ADGRV1: variants seen among roughly 807,000 people sequenced by gnomAD.
ADGRV1 encodes G-protein coupled receptor 98.
Under a neutral mutation model 596.2 loss-of-function variants are expected in ADGRV1, and 359 were observed. The observed-to-expected ratio is 0.60, with a 90% CI of 0.55 to 0.66. The LOEUF is 0.66. Ranked by LOEUF, ADGRV1 falls within the 30% of genes least tolerant of loss-of-function variation. The pLI is 0.00. For missense variants in ADGRV1, 7,274 were observed against 7,575.6 expected (o/e 0.96, Z 1.48); for synonymous variants, 2,681 against 2,679.2 (o/e 1.00, Z -0.02).
intron 29 of ADGRV1, among the ~76,000 whole-genome samples, chr5:90,687,177 T>C (rs1745781366): frequency 6.6e-6 from 1 of 152,230 alleles, no homozygotes; most frequent in Non-Finnish European, 1.5e-5. Context: ...TTCACTGTGA[T>C]GGTACTTACT....
At chr5:90,839,187 T>C (rs1028947484) in intron 77 of ADGRV1, among the ~76,000 whole-genome samples, 1 of 152,112 alleles carries the variant, frequency 6.6e-6, no homozygotes, top group African/African-American at 2.4e-5. Flanking sequence ...GACTCCTATC[T>C]ACCTCTCTGT....
At chr5:90,973,098 C>G (rs905591675) in intron 84 of ADGRV1, among the ~76,000 whole-genome samples, 1 of 152,156 alleles carries the variant, frequency 6.6e-6, no homozygotes, top group Non-Finnish European at 1.5e-5. Flanking sequence ...ACTAGAAAAT[C>G]TGGAAGAAAT....
chr5:90,978,295 AAAATAAAT>A (rs10529732), intron 84 of ADGRV1, among the ~76,000 whole-genome samples: 113 of 148,582 alleles, frequency 7.6e-4, no homozygotes, highest in Non-Finnish European at 9.6e-4. Flanking sequence ...ACTTCATCTC[AAAATAAAT>A]AAATAAATAA....
chr5:90,695,261 G>T (rs1031523748), intron 33 of ADGRV1, among the ~76,000 whole-genome samples: 16 of 152,130 alleles, frequency 1.1e-4, no homozygotes, highest in Admixed American at 7.2e-4. Context: ...GATCACTATT[G>T]TAAAATTTCA....
chr5:90,778,464 A>G lies in ADGRV1; in HGVS notation c.12704A>G (p.Tyr4235Cys), dbSNP rs200644004. The change falls in exon 63 of 90, where the codon TAT becomes TGT. Residue 4235 changes from tyrosine (Y) to cysteine (C), a missense_variant. Physicochemically the swap from Tyr to Cys is radical, Grantham distance 194 (BLOSUM62 -2). Transcript: ENST00000405460. ...NDDIPEEKSF[Y>C]EFQLTAVSEG... ...GACATTCCCGAGGAAAAAAGCTTCT[A>G]TGAGTTTCAGCTCACTGCAGTCAGT... 412 of 1,613,000 alleles carry G rather than the reference A, an allele frequency of 2.6e-4. No individual in the cohort carries two copies. The highest frequency in any genetic ancestry group is 6.9e-4 in the East Asian group (31 of 44,816).
At chr5:90,677,731 T>G (rs1580704298) in intron 25 of ADGRV1, among the ~76,000 whole-genome samples, 1 of 152,166 alleles carries the variant, frequency 6.6e-6, no homozygotes, top group Admixed American at 6.5e-5. Context: ...TAATTGGACT[T>G]GAATACTCAC....
chr5:90,621,137 G>T (rs1241233850), intron 4 of ADGRV1, among the ~76,000 whole-genome samples: 1 of 152,016 alleles, frequency 6.6e-6, no homozygotes, highest in Non-Finnish European at 1.5e-5. Context: ...ACTGAATCTG[G>T]TCGCTAAATT....
At position 91,144,382 on chromosome 5, in the gene ADGRV1, T is replaced by C. The variant is rs1055633015; in HGVS notation, c.18433-5648T>C. On this transcript the variant is annotated intron_variant, in intron 87 of 89. Coordinates refer to ENST00000405460, the MANE Select transcript of ADGRV1 (RefSeq NM_032119.4). ...GTGCAGTGATGCAAACATGGCTCAC[T>C]GCAGCCTCAACCTCTTGGGCTCAAG... 6.8e-4 allele frequency among the ~76,000 whole-genome samples: 104 copies of C among 152,216 alleles called. 1 individual carries two copies. The highest frequency in any genetic ancestry group is 6.7e-3 in the Admixed American group (103 of 15,290).
At chr5:91,114,090 G>T (rs537431793) in intron 87 of ADGRV1, among the ~76,000 whole-genome samples, 1 of 151,992 alleles carries the variant, frequency 6.6e-6, no homozygotes, top group South Asian at 2.1e-4. Flanking sequence ...ATGGTGGCAG[G>T]AGGCTGTAAT....
At chr5:90,624,290 C>A (rs1262771677) in intron 5 of ADGRV1, among the ~76,000 whole-genome samples, 1 of 152,144 alleles carries the variant, frequency 6.6e-6, no homozygotes, top group Admixed American at 6.5e-5. Context: ...TGCATTTAGA[C>A]AATAAATTTT....
At chr5:90,856,640 A>G (rs1169978161) in intron 82 of ADGRV1, among the ~76,000 whole-genome samples, 2 of 152,156 alleles carry the variant, frequency 1.3e-5, no homozygotes, top group African/African-American at 4.8e-5. Flanking sequence ...GGTGCTATAC[A>G]GTGAATTAAA....
At chr5:90,620,287 G>A (rs1045554197) in intron 4 of ADGRV1, among the ~76,000 whole-genome samples, 2 of 151,984 alleles carry the variant, frequency 1.3e-5, no homozygotes, top group African/African-American at 4.8e-5. Context: ...TTTAATGATT[G>A]CCATTCTAAC....
At chr5:90,993,152 C>CA (rs1781108299) in intron 85 of ADGRV1, among the ~76,000 whole-genome samples, 2 of 128,650 alleles carry the variant, frequency 1.6e-5, no homozygotes, top group African/African-American at 5.8e-5. Flanking sequence ...CCTTGGTTTT[C>CA]ACTTTTTTTT....
In ADGRV1 at chr5:90,617,870, A is replaced by T; in HGVS notation, c.274A>T (p.Thr92Ser). The T allele has an allele frequency of 6.3e-7, 1 of 1,599,162 alleles. No individual in the cohort carries two copies. The highest frequency in any genetic ancestry group is 8.5e-7 in the Non-Finnish European group (1 of 1,171,872). The change falls in exon 3 of 90, where the codon ACA becomes TCA. Residue 92 changes from threonine to serine, a missense_variant. By Grantham distance (58) the Thr-to-Ser change is moderately conservative. Coordinates refer to ENST00000405460, the MANE Select transcript of ADGRV1 (RefSeq NM_032119.4). ...TGCAGCTTTTATACCTGCCGGAGAA[A>T]CAAACAGAACAGTGTACATAGCAGT... ...YAAAFIPAGETNRTVYIAVCD... is the reference protein window; with the variant it reads ...YAAAFIPAGESNRTVYIAVCD...
At chr5:91,086,507 A>G (rs1009752817) in intron 86 of ADGRV1, among the ~76,000 whole-genome samples, 4 of 152,272 alleles carry the variant, frequency 2.6e-5, no homozygotes, top group African/African-American at 7.2e-5. Flanking sequence ...GTGGCTGTCA[A>G]ACTAACTGAT....
At chr5:90,762,116 C>G (rs1756574914) in intron 58 of ADGRV1, among the ~76,000 whole-genome samples, 1 of 152,092 alleles carries the variant, frequency 6.6e-6, no homozygotes, top group Non-Finnish European at 1.5e-5. Flanking sequence ...TAGCAGAGAC[C>G]CATGGAAATC....
chr5:90,827,781 T>G (rs1342720589), intron 76 of ADGRV1, among the ~76,000 whole-genome samples: 4 of 152,204 alleles, frequency 2.6e-5, no homozygotes, highest in African/African-American at 9.6e-5. Flanking sequence ...TAAGTATTTC[T>G]TCAGAAAACA....
intron 53 of ADGRV1, among the ~76,000 whole-genome samples, chr5:90,752,020 T>C (rs1424783606): frequency 1.3e-5 from 2 of 152,210 alleles, no homozygotes; most frequent in African/African-American, 4.8e-5. Flanking sequence ...ATTATTTCAT[T>C]CAGGGAGCTA....
intron 61 of ADGRV1, among the ~76,000 whole-genome samples, chr5:90,777,416 T>A (rs1758365071): frequency 6.6e-6 from 1 of 152,152 alleles, no homozygotes; most frequent in African/African-American, 2.4e-5. Context: ...TAGGCAAGTT[T>A]GTTTCTGGTA....
Sources: gnomAD v4.1 joint callset for allele counts (sites outside exome capture counted in the v4.1 genomes callset) on GRCh38, gnomAD v4.1.1 for gene constraint, MANE v1.5 for transcripts, NCBI Gene and HGNC (gene_info 2026-07-23, HGNC 2026-07-21) for gene names.